The following RAVER2 variants were observed in gnomAD, a reference collection of about 807,000 sequenced individuals.
RAVER2 encodes the protein ribonucleoprotein, PTB binding 2, also known as ribonucleoprotein PTB-binding 2.
In RAVER2, 46 loss-of-function variants were observed where a neutral mutation model predicts 78.1. The ratio of observed to expected loss-of-function variants is 0.59; its 90% CI spans 0.46 to 0.75. The LOEUF is 0.75. RAVER2 is among the 30% of genes least tolerant of loss of function. The pLI, the probability that RAVER2 is intolerant of heterozygous loss-of-function variation, is 0.00. For missense variants in RAVER2, 793 were observed against 837.5 expected (o/e 0.95, Z 0.66); for synonymous variants, 311 against 313.3 (o/e 0.99, Z 0.08).
At chr1:64,762,406 A>G (rs1652046852) in intron 1 of RAVER2, among the ~76,000 whole-genome samples, 1 of 151,984 alleles carries the variant, frequency 6.6e-6, no homozygotes, top group African/African-American at 2.4e-5. Flanking sequence ...TTTTTTAATG[A>G]AAACTGATTC....
chr1:64,786,931 T>C (rs531450715), intron 4 of RAVER2, among the ~76,000 whole-genome samples: 1 of 152,348 alleles, frequency 6.6e-6, no homozygotes, highest in South Asian at 2.1e-4. Flanking sequence ...ATGGAGATAA[T>C]ACTAAGCTTA....
chr1:64,794,961 G>GGA (rs1357519248), intron 5 of RAVER2, among the ~76,000 whole-genome samples: 1 of 151,678 alleles, frequency 6.6e-6, no homozygotes, highest in African/African-American at 2.4e-5. Context: ...CCTATATTTA[G>GGA]GTCTATGATC....
At chr1:64,771,080 A>G (rs1339804543) in intron 2 of RAVER2, among the ~76,000 whole-genome samples, 2 of 152,058 alleles carry the variant, frequency 1.3e-5, no homozygotes, top group Non-Finnish European at 2.9e-5. Flanking sequence ...AACTTCAAGT[A>G]CAAAAGCATG....
In RAVER2 at chr1:64,745,773, C is replaced by CG. The variant is rs1193661314; in HGVS notation, c.249+359dup. Among the ~76,000 whole-genome samples, 8 of 133,232 alleles carry CG rather than the reference C, an allele frequency of 6.0e-5. No homozygotes were observed. Among genetic ancestry groups the CG allele is most frequent in the South Asian group, 2.4e-4 (1 of 4,222 alleles). 87.4% of individuals were successfully genotyped at this position (133,232 alleles called of 152,430 possible). The stretch of plus-strand genomic sequence containing the variant: ...GGTGAGTTGTGGAGCACACATTTTG[C>CG]GGGGGGGAGCGGGGGTAGAGGGGGC... On this transcript the variant is annotated intron_variant, in intron 1 of 11. Coordinates refer to ENST00000294428, the Ensembl canonical transcript of RAVER2. This position sits in a 1 kb window ranked among gnomAD's most constrained non-coding sequence, Gnocchi z 4.3.
intron 5 of RAVER2, among the ~76,000 whole-genome samples, chr1:64,797,928 T>C (rs1347590628): frequency 6.6e-6 from 1 of 151,938 alleles, no homozygotes; most frequent in Non-Finnish European, 1.5e-5. Context: ...TTTTTTCTTT[T>C]TTTTTTTATT....
chr1:64,828,813 A>T (rs1654058094), intron 11 of RAVER2, among the ~76,000 whole-genome samples: 1 of 152,218 alleles, frequency 6.6e-6, no homozygotes, highest in Non-Finnish European at 1.5e-5. Context: ...TAATTAATAA[A>T]CTGCACTTTT....
exon 12 of RAVER2, chr1:64,832,519 C>T (rs759598407): frequency 5.3e-5 from 8 of 152,172 alleles, no homozygotes; most frequent in African/African-American, 1.4e-4. Context: ...GATCTCAATC[C>T]GGGGCTTTTT....
intron 4 of RAVER2, among the ~76,000 whole-genome samples, chr1:64,788,225 T>C (rs539506495): frequency 2.6e-5 from 4 of 152,188 alleles, no homozygotes; most frequent in East Asian, 3.9e-4. Context: ...GTAATCCCAG[T>C]ACTTTGGGAG....
chr1:64,799,894 T>G (rs746569598), intron 5 of RAVER2, among the ~76,000 whole-genome samples: 6 of 152,228 alleles, frequency 3.9e-5, no homozygotes, highest in Non-Finnish European at 7.3e-5. Context: ...GTTCCCTTTT[T>G]TCCGCATCCT....
At chr1:64,831,106 G>C (rs896483025) in exon 12 of RAVER2, 2 of 1,061,780 alleles carry the variant, frequency 1.9e-6, no homozygotes, top group Non-Finnish European at 2.6e-6. Flanking sequence ...TTCCCAGAAG[G>C]AACTGTGTTG....
intron 11 of RAVER2, among the ~76,000 whole-genome samples, chr1:64,818,392 C>T (rs867616351): frequency 2.1e-4 from 32 of 152,036 alleles, no homozygotes; most frequent in Admixed American, 1.5e-3. Context: ...AAAAATTAGC[C>T]GGGCGTGGTG....
chr1:64,790,051 TTCTC>T (rs1275065444), intron 5 of RAVER2, among the ~76,000 whole-genome samples: 9 of 152,346 alleles, frequency 5.9e-5, no homozygotes, highest in African/African-American at 1.2e-4. Context: ...TTAGTATTCT[TTCTC>T]TAGTAAGAGC....
At chr1:64,762,330 G>A (rs1652044993) in intron 1 of RAVER2, among the ~76,000 whole-genome samples, 1 of 151,696 alleles carries the variant, frequency 6.6e-6, no homozygotes, top group Non-Finnish European at 1.5e-5. Flanking sequence ...GTATCATTTA[G>A]ATGTCAGTTG....
chr1:64,823,426 GAAAT>G (rs1653932911), intron 11 of RAVER2, among the ~76,000 whole-genome samples: 1 of 152,128 alleles, frequency 6.6e-6, no homozygotes, highest in South Asian at 2.1e-4. Context: ...ACTTAAATCA[GAAAT>G]AAATTATTTA....
intron 10 of RAVER2, among the ~76,000 whole-genome samples, chr1:64,813,575 C>T (rs1315342016): frequency 6.6e-6 from 1 of 151,840 alleles, no homozygotes; most frequent in Non-Finnish European, 1.5e-5. Context: ...AAACTATTAC[C>T]TCTGGGAAGA....
At chr1:64,831,135 C>A in exon 12 of RAVER2, 1 of 753,818 alleles carries the variant, frequency 1.3e-6, no homozygotes, top group Non-Finnish European at 2.0e-6. Context: ...GCAGAAATGC[C>A]AAATAAAAAA....
intron 5 of RAVER2, among the ~76,000 whole-genome samples, chr1:64,798,451 G>A (rs377106938): frequency 0.05 from 7,439 of 150,034 alleles, 288 homozygotes; most frequent in Admixed American, 0.14. Context: ...TAATGGGATG[G>A]CTGGGTCAAA....
intron 5 of RAVER2, among the ~76,000 whole-genome samples, chr1:64,791,452 G>C (rs992245994): frequency 2.6e-5 from 4 of 152,078 alleles, no homozygotes; most frequent in Admixed American, 2.0e-4. Context: ...TCCATAATGA[G>C]TTACCTCAGT....
chr1:64,802,936 C>T, intron 5 of RAVER2, 40 bp from the exon 6 acceptor site: 1 of 1,397,636 alleles, frequency 7.2e-7, no homozygotes. Context: ...ATTTTTAATT[C>T]CATATATAAA....
Sources: gnomAD v4.1 joint callset for allele counts (sites outside exome capture counted in the v4.1 genomes callset) on GRCh38, gnomAD v4.1.1 for gene constraint, Gnocchi (gnomAD v3.1) non-coding constraint, MANE v1.5 for transcripts, NCBI Gene and HGNC (gene_info 2026-07-23, HGNC 2026-07-21) for gene names.